DLGAP2: variants seen among roughly 807,000 people sequenced by gnomAD.
The protein encoded by DLGAP2 is DLG associated protein 2.
A neutral mutation model predicts 100.3 loss-of-function variants in DLGAP2; 26 were observed. The observed-to-expected ratio is 0.26, with a 90% CI of 0.19 to 0.36. DLGAP2 has a LOEUF of 0.36. DLGAP2 is among the 10% of genes least tolerant of loss of function. DLGAP2 has a pLI of 1.00. For synonymous variants in DLGAP2, 886 were observed against 630.1 expected (o/e 1.41, Z -6.08); for missense variants, 1,858 against 1,453.2 (o/e 1.28, Z -4.53).
At chr8:1,168,601 T>A (rs1017583225) in intron 2 of DLGAP2, among the ~76,000 whole-genome samples, 2 of 149,208 alleles carry the variant, frequency 1.3e-5, no homozygotes, top group African/African-American at 5.0e-5. Context: ...TATCTCATTG[T>A]GGTTTTGATT....
chr8:888,411 T>C (rs1797964185), intron 1 of DLGAP2, among the ~76,000 whole-genome samples: 1 of 152,180 alleles, frequency 6.6e-6, no homozygotes, highest in Admixed American at 6.5e-5. Context: ...CTCCATCCAG[T>C]TCTGCACGCT....
intron 3 of DLGAP2, among the ~76,000 whole-genome samples, chr8:1,412,093 C>T (rs1248201720): frequency 6.6e-6 from 1 of 152,230 alleles, no homozygotes; most frequent in African/African-American, 2.4e-5. Flanking sequence ...ATTCCTGCCT[C>T]CAGGCCTCTC....
At chr8:1,697,021 G>A (rs191799516) in intron 13 of DLGAP2, 126 bp from the exon 14 acceptor site, 13 of 1,038,848 alleles carry the variant, frequency 1.3e-5, no homozygotes, top group African/African-American at 1.6e-5. Flanking sequence ...ATCTGCCTCA[G>A]GCTGGAATTA....
intron 3 of DLGAP2, among the ~76,000 whole-genome samples, chr8:1,293,288 C>G (rs1016039210): frequency 1.3e-5 from 2 of 152,192 alleles, no homozygotes; most frequent in African/African-American, 4.8e-5. Context: ...AGGAGTGGAG[C>G]ATGGCCCCCA....
In DLGAP2 at chr8:1,626,785, C is replaced by A; in HGVS notation, c.1488C>A (p.Ser496Arg). Residue 496 changes from serine to arginine, a missense_variant, in exon 7 of 15, where the codon AGC becomes AGA. Coordinates refer to ENST00000637795, the MANE Select transcript of DLGAP2 (RefSeq NM_001346810.2). ...QAASDVPVGHSLDPAANYNSP... is the reference protein window; with the variant it reads ...QAASDVPVGHRLDPAANYNSP... Reference sequence around the variant, plus strand: ...CAAGCGATGTGCCTGTGGGACACAGCCTGGACCCCGCTGCGAACTACAACT... The same window carrying A: ...CAAGCGATGTGCCTGTGGGACACAGACTGGACCCCGCTGCGAACTACAACT... 1 of 1,603,874 alleles carries A rather than the reference C, an allele frequency of 6.2e-7. No homozygotes were observed. The highest frequency in any genetic ancestry group is 8.5e-7 in the Non-Finnish European group (1 of 1,175,608).
At chr8:973,083 C>T (rs192085731) in intron 2 of DLGAP2, among the ~76,000 whole-genome samples, 17 of 152,338 alleles carry the variant, frequency 1.1e-4, no homozygotes, top group Admixed American at 2.6e-4. Flanking sequence ...CTTTTCTATT[C>T]GACAAAACCG....
At chr8:1,321,004 CGT>C (rs979509978) in intron 3 of DLGAP2, among the ~76,000 whole-genome samples, 3 of 150,652 alleles carry the variant, frequency 2.0e-5, no homozygotes, top group South Asian at 2.1e-4. Context: ...TGTGCCTCTG[CGT>C]GTGTGTGGGC....
chr8:1,221,675 C>T (rs1372821427), intron 2 of DLGAP2, among the ~76,000 whole-genome samples: 1 of 152,202 alleles, frequency 6.6e-6, no homozygotes, highest in Non-Finnish European at 1.5e-5. Context: ...TCATGGACAG[C>T]ATTCTCAAAT....
intron 2 of DLGAP2, among the ~76,000 whole-genome samples, chr8:1,176,936 C>T (rs1455340203): frequency 6.6e-6 from 1 of 152,118 alleles, no homozygotes; most frequent in East Asian, 1.9e-4. Flanking sequence ...AGCAAAGCAG[C>T]ACAATTCTGG....
At chr8:1,155,863 G>A (rs1459706242) in intron 2 of DLGAP2, among the ~76,000 whole-genome samples, 2 of 152,160 alleles carry the variant, frequency 1.3e-5, no homozygotes, top group Non-Finnish European at 2.9e-5. Flanking sequence ...AGAGGAAGAT[G>A]AGGAAGGACG....
At chr8:1,300,222 G>C (rs575907172) in intron 3 of DLGAP2, 2 of 152,124 alleles carry the variant, frequency 1.3e-5, no homozygotes, top group African/African-American at 2.4e-5. Flanking sequence ...TGTGTGCAAA[G>C]TGTGCATATG....
intron 1 of DLGAP2, among the ~76,000 whole-genome samples, chr8:792,657 A>C (rs1466902719): frequency 1.3e-5 from 2 of 152,212 alleles, no homozygotes; most frequent in East Asian, 1.9e-4. Context: ...ATAAAAATGG[A>C]TTGATCTTAG....
intron 2 of DLGAP2, among the ~76,000 whole-genome samples, chr8:957,552 A>G (rs1291002385): frequency 6.6e-6 from 1 of 152,210 alleles, no homozygotes; most frequent in Admixed American, 6.5e-5. Context: ...ACCGTTAGAA[A>G]CGGGCAGCAG....
In DLGAP2 at chr8:1,017,499, T is replaced by C. The variant is rs866535880; in HGVS notation, c.73+109533T>C. ...ACCAGGACAGACGGCGCCTCCACTG[T>C]GTGTGTGACCAGGACAGACGCCTCC... is the stretch of plus-strand genomic sequence containing the variant. On this transcript the variant is annotated intron_variant, in intron 2 of 14. Coordinates refer to ENST00000637795, the MANE Select transcript of DLGAP2 (RefSeq NM_001346810.2). 3.6e-4 allele frequency among the ~76,000 whole-genome samples: 34 copies of C among 94,470 alleles called. 3 individuals carry two copies. The highest frequency in any genetic ancestry group is 1.9e-3 in the Admixed American group (17 of 9,102). The allele number at this position is 94,470 out of a possible 152,430, so 62.0% of individuals were successfully genotyped here.
At chr8:1,194,429 C>G (rs1372621567) in intron 2 of DLGAP2, among the ~76,000 whole-genome samples, 1 of 152,102 alleles carries the variant, frequency 6.6e-6, no homozygotes, top group South Asian at 2.1e-4. Flanking sequence ...GGAGGCTCCT[C>G]CTGCCCAGGG....
At chr8:1,019,972 T>C (rs949906420) in intron 2 of DLGAP2, among the ~76,000 whole-genome samples, 12 of 152,218 alleles carry the variant, frequency 7.9e-5, no homozygotes, top group Non-Finnish European at 1.3e-4. Flanking sequence ...AAAATCACTT[T>C]GTGAACTTTG....
At chr8:1,377,698 G>T (rs892268434) in intron 3 of DLGAP2, among the ~76,000 whole-genome samples, 6 of 152,204 alleles carry the variant, frequency 3.9e-5, no homozygotes, top group African/African-American at 1.4e-4. Flanking sequence ...CAGTGGATCT[G>T]AGTGCAGCTC....
chr8:973,328 C>T (rs985979974), intron 2 of DLGAP2, among the ~76,000 whole-genome samples: 5 of 151,768 alleles, frequency 3.3e-5, no homozygotes, highest in African/African-American at 4.8e-5. Context: ...GGGCGGCTGC[C>T]GGGCGGAGAC....
chr8:1,517,673 G>A (rs573173646), intron 4 of DLGAP2, among the ~76,000 whole-genome samples: 1 of 152,338 alleles, frequency 6.6e-6, no homozygotes, highest in Admixed American at 6.5e-5. Flanking sequence ...CCCGTTTCTG[G>A]CTAGGAGAGC....
Sources: gnomAD v4.1 joint callset for allele counts (sites outside exome capture counted in the v4.1 genomes callset) on GRCh38, gnomAD v4.1.1 for gene constraint, MANE v1.5 for transcripts, NCBI Gene and HGNC (gene_info 2026-07-23, HGNC 2026-07-21) for gene names.